Variants in RHOBTB2 observed in about 807,000 individuals in gnomAD.
RHOBTB2 encodes the protein rho-related BTB domain-containing protein 2.
A neutral mutation model predicts 66.5 loss-of-function variants in RHOBTB2; 39 were observed. That is an observed-to-expected ratio of 0.59 (90% confidence interval 0.45 to 0.77). The LOEUF (loss-of-function observed/expected upper bound fraction) is 0.77, where lower values mean the gene tolerates loss of function less well. Among genes scored for constraint, RHOBTB2 ranks in the 30% least tolerant of loss-of-function variants. The pLI, the probability that RHOBTB2 is intolerant of heterozygous loss-of-function variation, is 0.00. For missense variants in RHOBTB2, 755 were observed against 999.1 expected (o/e 0.76, Z 3.29); for synonymous variants, 390 against 395.0 (o/e 0.99, Z 0.15).
chr8:23,003,171 G>A (rs575437666), intron 1 of RHOBTB2, among the ~76,000 whole-genome samples: 2 of 152,332 alleles, frequency 1.3e-5, no homozygotes, highest in South Asian at 2.1e-4. Flanking sequence ...GGCAGATGAC[G>A]CTGGCGAAAC....
Position 23,017,730 on chromosome 8 carries a change from G to T in RHOBTB2, c.*261G>T. ...ACTGCTTGGAGGAGCGAAGAGCCCTGGCATTTTATCTCTGGGTTTGAGAGC... is the reference window on the plus strand; with the variant it reads ...ACTGCTTGGAGGAGCGAAGAGCCCTTGCATTTTATCTCTGGGTTTGAGAGC... On this transcript the variant is annotated 3_prime_UTR_variant, in exon 10 of 10. Coordinates refer to ENST00000251822, the MANE Select transcript of RHOBTB2 (RefSeq NM_015178.3). The surrounding 1 kb of genome is among the most constrained non-coding windows in gnomAD (Gnocchi z 5.3). 1 of 515,738 alleles carries T rather than the reference G, an allele frequency of 1.9e-6. No individual in the cohort carries two copies. Among genetic ancestry groups the T allele is most frequent in the East Asian group, 3.3e-5 (1 of 30,308 alleles). The allele number at this position is 515,738 out of a possible 1,614,324, so 31.9% of individuals were successfully genotyped here. A position where few individuals can be genotyped will look rare whatever the true frequency, so the allele number is the denominator to read the frequency against.
exon 1 of RHOBTB2, chr8:22,987,420 C>T (rs1211029071): frequency 6.6e-6 from 1 of 152,574 alleles, no homozygotes; most frequent in Non-Finnish European, 1.5e-5. Flanking sequence ...GAATCATGTC[C>T]TTCACCTGCC....
chr8:22,998,852 T>C (rs766474653), upstream of RHOBTB2: 1 of 151,750 alleles, frequency 6.6e-6, no homozygotes, highest in South Asian at 2.1e-4. Flanking sequence ...GAGGGGTAAA[T>C]TGAGGCAGAA....
intron 7 of RHOBTB2, among the ~76,000 whole-genome samples, chr8:23,014,210 C>T (rs1811224663): frequency 1.3e-5 from 2 of 152,216 alleles, no homozygotes; most frequent in Non-Finnish European, 2.9e-5. Context: ...GTGTTTACTT[C>T]TTCAATATAA....
At chr8:22,957,137 C>T in the RHOBTB2 span, among the ~76,000 whole-genome samples, 2 of 152,016 alleles carry the variant, frequency 1.3e-5, no homozygotes, top group African/African-American at 2.4e-5. Context: ...AGAACTCTTC[C>T]TCACAATTAG....
chr8:22,969,450 AG>A, the RHOBTB2 span, among the ~76,000 whole-genome samples: 1 of 152,242 alleles, frequency 6.6e-6, no homozygotes, highest in Non-Finnish European at 1.5e-5. Flanking sequence ...GAACAAAAGT[AG>A]CTTTCCACTC....
chr8:22,971,740 G>T, the RHOBTB2 span, among the ~76,000 whole-genome samples: 1 of 152,144 alleles, frequency 6.6e-6, no homozygotes, highest in African/African-American at 2.4e-5. Context: ...CACCTCCCTG[G>T]CCAGTCTATC....
chr8:22,990,758 A>G (rs1005063799), intron 1 of RHOBTB2, among the ~76,000 whole-genome samples: 5 of 152,180 alleles, frequency 3.3e-5, no homozygotes, highest in African/African-American at 7.2e-5. Context: ...TGGGCAGTAC[A>G]GCAGCAGCCT....
upstream of RHOBTB2, among the ~76,000 whole-genome samples, chr8:22,985,515 C>T (rs948971293): frequency 2.0e-5 from 3 of 152,232 alleles, no homozygotes; most frequent in African/African-American, 7.2e-5. Flanking sequence ...AGGTCTCGCT[C>T]TGAGCATGGG....
At chr8:23,011,545 C>T (rs1811148249) in intron 7 of RHOBTB2, among the ~76,000 whole-genome samples, 1 of 152,126 alleles carries the variant, frequency 6.6e-6, no homozygotes, top group Non-Finnish European at 1.5e-5. Flanking sequence ...TTAGTGTGGA[C>T]AAATCCCAGG....
chr8:23,008,407 A>G (rs527759311), intron 6 of RHOBTB2, among the ~76,000 whole-genome samples: 1 of 152,136 alleles, frequency 6.6e-6, no homozygotes, highest in Non-Finnish European at 1.5e-5. Context: ...TAGGAAAGGG[A>G]GCCCCTGAGA....
chr8:22,986,175 AT>A (rs1367874029), upstream of RHOBTB2, among the ~76,000 whole-genome samples: 2 of 144,644 alleles, frequency 1.4e-5, no homozygotes, highest in Non-Finnish European at 3.0e-5. Context: ...TCTCTTTCGT[AT>A]TTAACTGATG....
At chr8:22,994,391 G>C (rs1485601271) in intron 2 of RHOBTB2, among the ~76,000 whole-genome samples, 1 of 152,184 alleles carries the variant, frequency 6.6e-6, no homozygotes, top group Non-Finnish European at 1.5e-5. Context: ...TGGCCCCCAG[G>C]CTGGGGTCTC....
chr8:23,010,443 G>C (rs1394550366), intron 6 of RHOBTB2, 95 bp from the exon 7 acceptor site: 1 of 1,416,290 alleles, frequency 7.1e-7, no homozygotes, highest in Non-Finnish European at 9.6e-7. Context: ...GGGGAGCCTG[G>C]GTGTGAGGGC....
the RHOBTB2 span, among the ~76,000 whole-genome samples, chr8:22,972,745 C>T: frequency 7.2e-5 from 11 of 152,244 alleles, no homozygotes; most frequent in Non-Finnish European, 1.6e-4. Context: ...TGACAACTGG[C>T]TTTTCTGACC....
the RHOBTB2 span, among the ~76,000 whole-genome samples, chr8:22,962,288 C>A: frequency 7.4e-6 from 1 of 134,318 alleles, no homozygotes; most frequent in Non-Finnish European, 1.5e-5. Flanking sequence ...AAAGAATTAT[C>A]TTCTGGATGT....
chr8:22,967,388 C>T, the RHOBTB2 span, among the ~76,000 whole-genome samples: 1 of 151,924 alleles, frequency 6.6e-6, no homozygotes, highest in Non-Finnish European at 1.5e-5. Context: ...GCGGGTGGAT[C>T]ACCTGAGGTC....
the RHOBTB2 span, among the ~76,000 whole-genome samples, chr8:22,967,710 G>A: frequency 6.8e-6 from 1 of 146,188 alleles, no homozygotes; most frequent in African/African-American, 2.4e-5. Flanking sequence ...AGTTGCTAGG[G>A]GCTGTGGAGA....
chr8:22,953,090 C>T, the RHOBTB2 span, among the ~76,000 whole-genome samples: 17 of 152,090 alleles, frequency 1.1e-4, no homozygotes, highest in Admixed American at 3.3e-4. Context: ...TGTCCACCTG[C>T]GCAGTGGCCT....
Sources: gnomAD v4.1 joint callset for allele counts (sites outside exome capture counted in the v4.1 genomes callset) on GRCh38, gnomAD v4.1.1 for gene constraint, Gnocchi (gnomAD v3.1) non-coding constraint, MANE v1.5 for transcripts, NCBI Gene and HGNC (gene_info 2026-07-23, HGNC 2026-07-21) for gene names.